CTBP2: variants seen among roughly 807,000 people sequenced by gnomAD.
CTBP2 encodes C-terminal binding protein 2, also known as C-terminal-binding protein 2.
Under a neutral mutation model 80.3 loss-of-function variants are expected in CTBP2, and 30 were observed. The observed-to-expected ratio is 0.37, with a 90% CI of 0.28 to 0.51. CTBP2 has a LOEUF of 0.51. CTBP2 is among the 20% of genes least tolerant of loss of function. The pLI, the probability that CTBP2 is intolerant of heterozygous loss-of-function variation, is 0.93. For synonymous variants in CTBP2, 594 were observed against 587.4 expected (o/e 1.01, Z -0.16); for missense variants, 1,212 against 1,375.3 (o/e 0.88, Z 1.88).
intron 2 of CTBP2, among the ~76,000 whole-genome samples, chr10:125,041,225 C>A (rs1381660371): frequency 6.6e-6 from 1 of 152,180 alleles, no homozygotes; most frequent in Non-Finnish European, 1.5e-5. Flanking sequence ...GTACTACAGG[C>A]ATGTGCCAAC....
chr10:125,149,530 C>A (rs1859433574), intron 1 of CTBP2, among the ~76,000 whole-genome samples: 1 of 152,182 alleles, frequency 6.6e-6, no homozygotes, highest in Non-Finnish European at 1.5e-5. Context: ...CAAGACAGAG[C>A]AGAATCCAAA....
intron 2 of CTBP2, among the ~76,000 whole-genome samples, chr10:125,041,457 T>TG (rs1173750969): frequency 7.4e-6 from 1 of 134,486 alleles, no homozygotes; most frequent in Non-Finnish European, 1.6e-5. Flanking sequence ...GTTATTGGAG[T>TG]GGGGGCGGGG....
At chr10:125,050,636 G>A (rs971928508) in intron 2 of CTBP2, among the ~76,000 whole-genome samples, 2 of 152,160 alleles carry the variant, frequency 1.3e-5, no homozygotes, top group African/African-American at 4.8e-5. Flanking sequence ...CGGCTCACAA[G>A]AGTTCTTTTG....
intron 2 of CTBP2, among the ~76,000 whole-genome samples, chr10:125,097,688 C>T (rs11245501): frequency 4.0e-5 from 6 of 151,018 alleles, no homozygotes; most frequent in Non-Finnish European, 7.4e-5. Flanking sequence ...AGCATGCACA[C>T]GTGTGAGCAT....
chr10:125,076,321 G>C (rs1362116986), intron 2 of CTBP2, among the ~76,000 whole-genome samples: 1 of 152,216 alleles, frequency 6.6e-6, no homozygotes, highest in African/African-American at 2.4e-5. Flanking sequence ...CAGCAGCTGG[G>C]TTCTAGCCCC....
At chr10:125,077,267 CCA>C (rs1846410069) in intron 2 of CTBP2, among the ~76,000 whole-genome samples, 1 of 152,148 alleles carries the variant, frequency 6.6e-6, no homozygotes, top group East Asian at 1.9e-4. Flanking sequence ...TAAAGAAAAG[CCA>C]CATTTTCAAG....
At chr10:125,069,099 T>C (rs1845073547) in intron 2 of CTBP2, among the ~76,000 whole-genome samples, 2 of 152,078 alleles carry the variant, frequency 1.3e-5, no homozygotes, top group African/African-American at 4.8e-5. Flanking sequence ...GCTGGCCTCT[T>C]CCAGGGGCCT....
chr10:125,117,468 C>G (rs915171675), intron 1 of CTBP2, among the ~76,000 whole-genome samples: 3 of 152,338 alleles, frequency 2.0e-5, no homozygotes, highest in African/African-American at 7.2e-5. Context: ...GGACGGCACC[C>G]CCCAAGCCCA....
intron 1 of CTBP2, chr10:125,005,440 G>A (rs1955109117): frequency 8.9e-7 from 1 of 1,119,348 alleles, no homozygotes; most frequent in Non-Finnish European, 1.3e-6. Flanking sequence ...TCCCCAAACA[G>A]GGTGTCCGCA....
intron 8 of CTBP2, among the ~76,000 whole-genome samples, chr10:124,990,716 G>A (rs1210760146): frequency 6.6e-6 from 1 of 152,196 alleles, no homozygotes; most frequent in Non-Finnish European, 1.5e-5. Context: ...ACCTTAAGAG[G>A]TAGAGCCCTT....
intron 3 of CTBP2, chr10:125,000,411 T>C (rs78694803): frequency 0.079 from 11,992 of 152,182 alleles, 656 homozygotes; most frequent in Admixed American, 0.17. Flanking sequence ...CCACGGAGCC[T>C]GGAAAACGGC....
At position 125,056,156 on chromosome 10, in the gene CTBP2, T is replaced by C. The variant is rs146359458; in HGVS notation, c.-101-17001A>G. 3.4e-5 allele frequency among the ~76,000 whole-genome samples: 5 copies of C among 145,020 alleles called. No individual in the cohort carries two copies. The East Asian group carries it at 9.7e-4, about 28-fold the overall frequency. On this transcript the variant is annotated intron_variant, in intron 2 of 10. Coordinates refer to the CTBP2 transcript ENST00000337195. Reference sequence around the variant, plus strand: ...CTCCAGCCTGGGCAATACAGCGAGATTGTGTCTCAAAAATAAAAATAATAA... The same window carrying C: ...CTCCAGCCTGGGCAATACAGCGAGACTGTGTCTCAAAAATAAAAATAATAA...
In CTBP2 at chr10:124,986,269, C is replaced by T. The variant is rs182816591; in HGVS notation, c.*3249G>A. 8.3e-5 allele frequency: 10 copies of T among 120,824 alleles called. No homozygotes were observed. The highest frequency in any genetic ancestry group is 2.6e-4 in the East Asian group (1 of 3,790). The allele number at this position is 120,824 out of a possible 1,614,324, so 7.5% of individuals were successfully genotyped here. A position where few individuals can be genotyped will look rare whatever the true frequency, so the allele number is the denominator to read the frequency against. ...TGATGTGGCCAGGAATTTGGAAAGA[C>T]GACACACGCACGCGCGCGCGCGCAC... On this transcript the variant is annotated 3_prime_UTR_variant, in exon 9 of 9. Transcript: ENST00000309035.
intron 2 of CTBP2, among the ~76,000 whole-genome samples, chr10:125,085,070 A>C (rs1253655279): frequency 6.6e-6 from 1 of 152,200 alleles, no homozygotes; most frequent in Non-Finnish European, 1.5e-5. Context: ...GTCTTGGCTC[A>C]TGACCATGGG....
At chr10:125,049,092 C>T (rs1278286883) in intron 2 of CTBP2, among the ~76,000 whole-genome samples, 23 of 144,160 alleles carry the variant, frequency 1.6e-4, no homozygotes, top group African/African-American at 5.4e-4. Context: ...CACACACACA[C>T]GTCCACCTGA....
At chr10:125,119,402 A>G (rs904309832) in intron 1 of CTBP2, among the ~76,000 whole-genome samples, 3 of 152,236 alleles carry the variant, frequency 2.0e-5, no homozygotes, top group African/African-American at 7.2e-5. Context: ...AATCCTTAGA[A>G]AAGTGGTCAA....
intron 4 of CTBP2, chr10:124,996,583 CA>C (rs1953620318): frequency 6.6e-6 from 1 of 152,242 alleles, no homozygotes; most frequent in African/African-American, 2.4e-5. Flanking sequence ...AGTTGAATGA[CA>C]AGGGCACAGC....
intron 1 of CTBP2, among the ~76,000 whole-genome samples, chr10:125,150,178 G>A (rs1032494426): frequency 3.3e-5 from 5 of 152,238 alleles, no homozygotes; most frequent in Non-Finnish European, 7.3e-5. Context: ...CCAGAGTTGG[G>A]GAGGGGTGCA....
At chr10:125,046,104 G>A (rs1961165543) in intron 2 of CTBP2, among the ~76,000 whole-genome samples, 1 of 150,048 alleles carries the variant, frequency 6.7e-6, no homozygotes, top group Non-Finnish European at 1.5e-5. Context: ...AATCTATTAC[G>A]GTGTACCCCC....
Sources: gnomAD v4.1 joint callset for allele counts (sites outside exome capture counted in the v4.1 genomes callset) on GRCh38, gnomAD v4.1.1 for gene constraint, MANE v1.5 for transcripts, NCBI Gene and HGNC (gene_info 2026-07-23, HGNC 2026-07-21) for gene names.